CHST9: variants seen among roughly 807,000 people sequenced by gnomAD.
CHST9 encodes the protein carbohydrate sulfotransferase 9.
Under a neutral mutation model 44.4 loss-of-function variants are expected in CHST9, and 41 were observed. That is an observed-to-expected ratio of 0.92 (90% CI 0.72 to 1.20). The LOEUF is 1.20. Among genes scored for constraint, CHST9 ranks in the 50% most tolerant of loss-of-function variants. The probability of loss-of-function intolerance (pLI) is 0.00; values close to 1 mark genes in which losing one functional copy is unlikely to be tolerated. For synonymous variants in CHST9, 171 were observed against 178.4 expected (o/e 0.96, Z 0.33); for missense variants, 504 against 516.5 (o/e 0.98, Z 0.23).
chr18:27,052,500 A>G (rs1395510498), intron 2 of CHST9, among the ~76,000 whole-genome samples: 3 of 152,064 alleles, frequency 2.0e-5, no homozygotes, highest in Non-Finnish European at 4.4e-5. Flanking sequence ...TCTCAGTCTG[A>G]ATAGGTGATC....
chr18:27,074,481 A>G (rs1316771820), intron 2 of CHST9, among the ~76,000 whole-genome samples: 2 of 152,308 alleles, frequency 1.3e-5, no homozygotes, highest in Admixed American at 6.5e-5. Flanking sequence ...GTGTTTATAG[A>G]GTTAAATAAA....
chr18:27,090,700 G>C (rs2058059673), intron 2 of CHST9, among the ~76,000 whole-genome samples: 3 of 152,124 alleles, frequency 2.0e-5, no homozygotes, highest in Admixed American at 1.3e-4. Flanking sequence ...TATTAAATAG[G>C]GAATCCTTTC....
intron 5 of CHST9, chr18:26,934,378 G>A (rs1174000969): frequency 4.6e-5 from 7 of 151,950 alleles, no homozygotes; most frequent in Admixed American, 2.0e-4. Context: ...GGGACTACAG[G>A]CGCCCGCAAC....
intron 2 of CHST9, among the ~76,000 whole-genome samples, chr18:27,136,393 A>G (rs951784794): frequency 6.6e-6 from 1 of 152,106 alleles, no homozygotes; most frequent in African/African-American, 2.4e-5. Flanking sequence ...CTGCACCTGG[A>G]GTGACTGCCC....
At chr18:27,151,407 A>G (rs2058658155) in intron 1 of CHST9, among the ~76,000 whole-genome samples, 1 of 152,180 alleles carries the variant, frequency 6.6e-6, no homozygotes, top group Admixed American at 6.6e-5. Context: ...ACAGTTACCA[A>G]GACCAGGAAT....
At chr18:26,926,740 C>A (rs761377342) in intron 5 of CHST9, among the ~76,000 whole-genome samples, 10 of 152,090 alleles carry the variant, frequency 6.6e-5, no homozygotes, top group African/African-American at 2.4e-4. Context: ...AAACTCAAAG[C>A]CTTAATGAGG....
intron 1 of CHST9, among the ~76,000 whole-genome samples, chr18:27,178,728 C>T (rs895902598): frequency 6.6e-6 from 1 of 152,110 alleles, no homozygotes; most frequent in South Asian, 2.1e-4. Context: ...CTGAAACAGA[C>T]AAAACTGACC....
At chr18:27,179,645 G>A (rs1465443266) in intron 1 of CHST9, among the ~76,000 whole-genome samples, 2 of 152,042 alleles carry the variant, frequency 1.3e-5, no homozygotes, top group Non-Finnish European at 2.9e-5. Flanking sequence ...TCCATATAAA[G>A]TTTATGTGTC....
intron 2 of CHST9, among the ~76,000 whole-genome samples, chr18:27,059,374 G>A (rs185177258): frequency 1.7e-4 from 26 of 152,052 alleles, no homozygotes; most frequent in Middle Eastern, 3.4e-3. Flanking sequence ...CACAATTTAT[G>A]GTAAATAATT....
intron 3 of CHST9, among the ~76,000 whole-genome samples, chr18:27,030,343 A>C (rs1322306006): frequency 6.6e-6 from 1 of 152,258 alleles, no homozygotes; most frequent in Non-Finnish European, 1.5e-5. Context: ...CTTTCTTTTT[A>C]TAAAATAGAA....
chr18:26,928,894 A>G (rs1323467397), intron 5 of CHST9, among the ~76,000 whole-genome samples: 1 of 152,174 alleles, frequency 6.6e-6, no homozygotes, highest in Non-Finnish European at 1.5e-5. Context: ...TAAGAGATGA[A>G]TAAATATGGG....
chr18:27,164,374 A>T, intron 1 of CHST9, among the ~76,000 whole-genome samples: 1 of 151,888 alleles, frequency 6.6e-6, no homozygotes. Context: ...TGAAAAACAT[A>T]TGAGTTGGAA....
In CHST9 at chr18:26,989,775, C is replaced by T. The variant is rs561224691; in HGVS notation, c.202+34341G>A. Among the ~76,000 whole-genome samples the T allele has an allele frequency of 1.6e-4, 25 of 152,170 alleles. No homozygotes were observed. The South Asian group carries it at 5.2e-3, about 32-fold the overall frequency. On this transcript the variant is annotated intron_variant, in intron 4 of 5. Transcript: ENST00000618847. ...GACCAGTCTGGCCAACATGGAAAAA[C>T]CCCATCTCTACTAACAATACAATAA...
At chr18:27,155,504 T>C (rs1559879) in intron 1 of CHST9, among the ~76,000 whole-genome samples, 48,353 of 152,038 alleles carry the variant, frequency 0.32, 8,325 homozygotes, top group Non-Finnish European at 0.39. Context: ...TGATCTTCAT[T>C]AGAGAATATT....
chr18:26,926,961 C>T (rs73400742), intron 5 of CHST9, among the ~76,000 whole-genome samples: 1,614 of 152,232 alleles, frequency 0.011, 34 homozygotes, highest in African/African-American at 0.037. Flanking sequence ...GGATATGGCT[C>T]TTTAATATTT....
At chr18:27,161,750 T>C (rs1335492983) in intron 1 of CHST9, among the ~76,000 whole-genome samples, 3 of 152,178 alleles carry the variant, frequency 2.0e-5, no homozygotes, top group Non-Finnish European at 1.5e-5. Flanking sequence ...TCCAAGTCTC[T>C]TTCTAGGTCT....
At chr18:27,106,901 G>C (rs1459938685) in intron 2 of CHST9, among the ~76,000 whole-genome samples, 1 of 152,090 alleles carries the variant, frequency 6.6e-6, no homozygotes. Flanking sequence ...AATAATCCTA[G>C]CACTTTGGTT....
At chr18:27,028,783 C>T (rs1335216084) in intron 3 of CHST9, among the ~76,000 whole-genome samples, 3 of 151,810 alleles carry the variant, frequency 2.0e-5, no homozygotes, top group South Asian at 2.1e-4. Flanking sequence ...CTCCTGACCT[C>T]GTGATCCGCC....
intron 4 of CHST9, among the ~76,000 whole-genome samples, chr18:26,947,587 G>A (rs908908288): frequency 1.3e-5 from 2 of 152,074 alleles, no homozygotes; most frequent in Non-Finnish European, 2.9e-5. Flanking sequence ...CAAAAAGTGG[G>A]CAAAGGATAT....
Sources: allele counts gnomAD v4.1 joint callset (sites outside exome capture counted in the v4.1 genomes callset), GRCh38; gene constraint gnomAD v4.1.1; transcripts MANE v1.5; gene names NCBI Gene and HGNC (gene_info 2026-07-23, HGNC 2026-07-21).